EPHA6: variants seen among roughly 807,000 people sequenced by gnomAD.
The protein encoded by EPHA6 is ephrin type-A receptor 6.
Under a neutral mutation model 112.0 loss-of-function variants are expected in EPHA6, and 50 were observed. That is an observed-to-expected ratio of 0.45 (90% CI 0.36 to 0.56). The LOEUF (loss-of-function observed/expected upper bound fraction) is 0.56, where lower values mean the gene tolerates loss of function less well. Among genes scored for constraint, EPHA6 ranks in the 20% least tolerant of loss-of-function variants. The pLI is 0.00. For missense variants in EPHA6, 1,280 were observed against 1,417.4 expected, an observed-to-expected ratio of 0.90 and a Z score of 1.56; for synonymous variants, 529 against 490.7, an observed-to-expected ratio of 1.08 and a Z score of -1.03.
rs761802190 is a variant in EPHA6 at position 97,592,687 on chromosome 3, C to A, written c.2462C>A (p.Ala821Asp). The A allele has an allele frequency of 1.9e-6, 3 of 1,611,014 alleles. No homozygotes were observed. In the South Asian group the frequency reaches 3.3e-5, roughly 18 times the overall value. The stretch of plus-strand genomic sequence containing the variant: ...GCAGGGTTTTTAAATAGCATCCAGG[C>A]CCCGCATCCAGTGCCAGGGGGAGGA... ...LRAGFLNSIQ[A>D]PHPVPGGGSL... Residue 821 changes from alanine to aspartate, a missense_variant, in exon 12 of 18, where the codon GCC (alanine) becomes GAC (aspartate). Ala to Asp is a moderately radical substitution (Grantham distance 126). This residue lies in a region of EPHA6 where 878 missense variants were observed against 999.7 expected (regional missense o/e 0.88). Coordinates refer to ENST00000389672, the MANE Select transcript of EPHA6 (RefSeq NM_001080448.3).
At chr3:97,530,893 C>A (rs2092688018) in intron 10 of EPHA6, among the ~76,000 whole-genome samples, 1 of 151,966 alleles carries the variant, frequency 6.6e-6, no homozygotes, top group Non-Finnish European at 1.5e-5. Context: ...GCATAGTCAG[C>A]ATTTAGTTGA....
chr3:97,515,855 T>C (rs1375136654), intron 10 of EPHA6, among the ~76,000 whole-genome samples: 2 of 152,062 alleles, frequency 1.3e-5, no homozygotes, highest in Non-Finnish European at 2.9e-5. Flanking sequence ...ATCTAATGTT[T>C]GAAATATGTG....
chr3:97,350,586 G>GA (rs1484568539), intron 5 of EPHA6, among the ~76,000 whole-genome samples: 2 of 152,074 alleles, frequency 1.3e-5, no homozygotes, highest in Admixed American at 1.3e-4. Flanking sequence ...ATGCCCTAGG[G>GA]AAAACCTCAG....
chr3:96,904,324 G>A (rs561485379), intron 2 of EPHA6, among the ~76,000 whole-genome samples: 1 of 151,882 alleles, frequency 6.6e-6, no homozygotes, highest in East Asian at 1.9e-4. Context: ...GGATGAAGCT[G>A]GAAACCATCA....
At chr3:97,354,131 T>C (rs1008392971) in intron 5 of EPHA6, among the ~76,000 whole-genome samples, 37 of 152,292 alleles carry the variant, frequency 2.4e-4, no homozygotes, top group African/African-American at 6.7e-4. Context: ...ATCACAACAC[T>C]GAATTCCCTT....
At chr3:97,643,877 A>C (rs1322461653) in intron 14 of EPHA6, among the ~76,000 whole-genome samples, 1 of 150,820 alleles carries the variant, frequency 6.6e-6, no homozygotes, top group African/African-American at 2.4e-5. Flanking sequence ...TAGACAGATC[A>C]ATGAGACAGA....
At chr3:97,694,844 T>G (rs749707918) in intron 14 of EPHA6, among the ~76,000 whole-genome samples, 1 of 152,222 alleles carries the variant, frequency 6.6e-6, no homozygotes, top group East Asian at 1.9e-4. Flanking sequence ...AAGACATAGA[T>G]AGTTGTTGTC....
chr3:96,938,635 C>G (rs1461286094), intron 2 of EPHA6, among the ~76,000 whole-genome samples: 1 of 152,020 alleles, frequency 6.6e-6, no homozygotes, highest in East Asian at 1.9e-4. Flanking sequence ...GCCAGAACTT[C>G]CAACACTATG....
chr3:97,454,173 TC>T (rs2090608075), intron 7 of EPHA6, among the ~76,000 whole-genome samples: 1 of 151,804 alleles, frequency 6.6e-6, no homozygotes, highest in South Asian at 2.1e-4. Flanking sequence ...CATGCCACTT[TC>T]CTGAAATGTT....
At chr3:97,272,774 T>A (rs964642384) in intron 5 of EPHA6, among the ~76,000 whole-genome samples, 1 of 152,206 alleles carries the variant, frequency 6.6e-6, no homozygotes, top group South Asian at 2.1e-4. Context: ...TGGTGGAATG[T>A]CATCAGTTAA....
At position 97,585,772 on chromosome 3, in the gene EPHA6, ATTG is replaced by A. The variant is rs1260287148; in HGVS notation, c.2387-6839_2387-6837del. 3.5e-3 allele frequency among the ~76,000 whole-genome samples: 538 copies of A among 152,250 alleles called. 5 individuals are homozygous for A. Among genetic ancestry groups the A allele is most frequent in the African/African-American group, 0.012 (518 of 41,512 alleles). On this transcript the variant is annotated intron_variant, in intron 11 of 17. Transcript: ENST00000389672. ...TTTAGATAATGGACAAAGTTATGTG[ATTG>A]CATCTTTGGATTAGTTTAGTCAGAC...
At chr3:97,587,275 G>A (rs1239294622) in intron 11 of EPHA6, among the ~76,000 whole-genome samples, 2 of 151,456 alleles carry the variant, frequency 1.3e-5, no homozygotes, top group Non-Finnish European at 2.9e-5. Context: ...ACTTCTGAAT[G>A]CAGACACTCT....
intron 15 of EPHA6, among the ~76,000 whole-genome samples, chr3:97,726,599 A>G (rs1446276236): frequency 1.3e-5 from 2 of 152,136 alleles, no homozygotes; most frequent in African/African-American, 4.8e-5. Flanking sequence ...AAGTACCTTG[A>G]AAGTGTATAG....
chr3:97,342,863 T>G (rs192913673), intron 5 of EPHA6, among the ~76,000 whole-genome samples: 18 of 152,292 alleles, frequency 1.2e-4, no homozygotes, highest in Non-Finnish European at 2.5e-4. Flanking sequence ...GAGAAATAAA[T>G]GTTTATTGTT....
chr3:97,726,400 G>A (rs933517399), intron 15 of EPHA6, among the ~76,000 whole-genome samples: 16 of 152,032 alleles, frequency 1.1e-4, no homozygotes, highest in African/African-American at 2.9e-4. Context: ...TTTCCTATTC[G>A]CAAAATAATG....
intron 12 of EPHA6, 122 bp from the exon 13 acceptor site, chr3:97,610,646 TGAATACGTTTATAGAAGCAGGCTGG>T: frequency 1.5e-6 from 1 of 674,072 alleles, no homozygotes; most frequent in Middle Eastern, 2.5e-4. Flanking sequence ...ATGTATAATA[TGAATACGTTTATAGAAGCAGGCTGG>T]AAAATGAAAT....
intron 6 of EPHA6, among the ~76,000 whole-genome samples, chr3:97,444,798 C>A (rs1264734571): frequency 6.6e-6 from 1 of 152,084 alleles, no homozygotes; most frequent in Non-Finnish European, 1.5e-5. Context: ...CTAACAGGTT[C>A]CAGACTCTAG....
intron 10 of EPHA6, among the ~76,000 whole-genome samples, chr3:97,502,634 A>T (rs1407108740): frequency 6.6e-6 from 1 of 150,974 alleles, no homozygotes; most frequent in Non-Finnish European, 1.5e-5. Context: ...GGAGATCGAG[A>T]CCATCCTGGC....
intron 5 of EPHA6, among the ~76,000 whole-genome samples, chr3:97,300,915 C>T (rs962900563): frequency 2.6e-5 from 4 of 152,122 alleles, no homozygotes; most frequent in Non-Finnish European, 4.4e-5. Flanking sequence ...AGTAACACTG[C>T]ATCCTGTGAG....
Sources: allele counts gnomAD v4.1 joint callset (sites outside exome capture counted in the v4.1 genomes callset), GRCh38; gene constraint gnomAD v4.1.1; regional missense constraint gnomAD v4.1.1; transcripts MANE v1.5; gene names NCBI Gene and HGNC (gene_info 2026-07-23, HGNC 2026-07-21).